Variants in PCDH11X observed in about 807,000 individuals in gnomAD.
PCDH11X encodes the protein protocadherin 11 X-linked.
A neutral mutation model predicts 53.3 loss-of-function variants in PCDH11X; 18 were observed. The observed-to-expected ratio is 0.34, with a 90% CI of 0.23 to 0.50. PCDH11X has a LOEUF of 0.50. Ranked by LOEUF, PCDH11X falls within the 20% of genes least tolerant of loss-of-function variation. The probability of loss-of-function intolerance (pLI) is 0.98; values close to 1 mark genes in which losing one functional copy is unlikely to be tolerated. For synonymous variants in PCDH11X, 279 were observed against 393.3 expected, an observed-to-expected ratio of 0.71 and a Z score of 3.44; for missense variants, 570 against 1,032.4, an observed-to-expected ratio of 0.55 and a Z score of 6.14.
At chrX:92,029,606 A>G (rs974802817) in intron 6 of PCDH11X, among the ~76,000 whole-genome samples, 2 of 111,104 alleles carry the variant, frequency 1.8e-5, no homozygotes, top group Non-Finnish European at 3.8e-5. Flanking sequence ...GTTTACCAAT[A>G]TAATCCTAGT....
At chrX:92,230,422 T>G in intron 7 of PCDH11X, among the ~76,000 whole-genome samples, 1 of 59,717 alleles carries the variant, frequency 1.7e-5, no homozygotes, top group African/African-American at 5.8e-5. Flanking sequence ...ATATATATAA[T>G]ATATAAATAT....
intron 9 of PCDH11X, among the ~76,000 whole-genome samples, chrX:92,411,135 A>AT (rs1467200361): frequency 1.8e-5 from 2 of 108,206 alleles, no homozygotes; most frequent in Non-Finnish European, 3.8e-5. Context: ...TGAAGAAGAA[A>AT]TTTTTTAAAA....
In PCDH11X at chrX:92,509,287, G is replaced by A. The variant is rs150216612; in HGVS notation, c.3367+40965G>A. On this transcript the variant is annotated intron_variant, in intron 10 of 10. Transcript: ENST00000682573. Reference sequence around the variant, plus strand: ...TTTTCACTGTAGATGATGTTGAAGTGGGGGTGCAGCTGAATGGGTATACCA... The same window carrying A: ...TTTTCACTGTAGATGATGTTGAAGTAGGGGTGCAGCTGAATGGGTATACCA... Among the ~76,000 whole-genome samples, 216 of 111,147 alleles carry A rather than the reference G, an allele frequency of 1.9e-3. 1 individual carries two copies. Among genetic ancestry groups the A allele is most frequent in the African/African-American group, 6.6e-3 (202 of 30,625 alleles).
Position 91,824,260 on chromosome X carries a change from T to C in PCDH11X, c.-44-11201T>C, listed in dbSNP as rs1204365182. On this transcript the variant is annotated intron_variant, in intron 4 of 10. Transcript: ENST00000682573. ...GGGGAAGTTCTCCTGGATAATATCC[T>C]GCAGAGTGTTTTCCAACTTGGTTCC... Among the ~76,000 whole-genome samples, 28 of 111,353 alleles carry C rather than the reference T, an allele frequency of 2.5e-4. No individual in the cohort carries two copies. In the South Asian group the frequency reaches 4.9e-3, roughly 20 times the overall value.
chrX:92,057,776 A>C (rs2063470478), intron 6 of PCDH11X, among the ~76,000 whole-genome samples: 1 of 102,872 alleles, frequency 9.7e-6, no homozygotes, highest in African/African-American at 3.7e-5. Flanking sequence ...TTTATTGCTT[A>C]TCTTTATAGA....
intron 1 of PCDH11X, among the ~76,000 whole-genome samples, chrX:91,785,468 G>A (rs1358198200): frequency 1.8e-5 from 2 of 111,149 alleles, no homozygotes; most frequent in African/African-American, 6.6e-5. Flanking sequence ...TTCTCATATC[G>A]TTCTTCTCTC....
chrX:91,997,150 G>A (rs1022237688), intron 6 of PCDH11X, among the ~76,000 whole-genome samples: 27 of 111,237 alleles, frequency 2.4e-4, no homozygotes, highest in African/African-American at 8.2e-4. Flanking sequence ...TTTACACAAG[G>A]TCATGTCACC....
intron 6 of PCDH11X, among the ~76,000 whole-genome samples, chrX:92,018,830 T>C (rs2147994985): frequency 8.9e-6 from 1 of 112,693 alleles, no homozygotes; most frequent in Non-Finnish European, 1.9e-5. Context: ...ACACTACACC[T>C]TCGTTTATAA....
chrX:92,534,749 T>G (rs1332541118), intron 10 of PCDH11X, among the ~76,000 whole-genome samples: 1 of 111,406 alleles, frequency 9.0e-6, no homozygotes, highest in Non-Finnish European at 1.9e-5. Flanking sequence ...GGGCCAATAT[T>G]CAACATTCTT....
At chrX:92,460,451 G>T in intron 9 of PCDH11X, 3 of 775,821 alleles carry the variant, frequency 3.9e-6, no homozygotes, top group South Asian at 4.1e-5. Flanking sequence ...GGGAAGAACC[G>T]AGAGGAGCTA....
chrX:92,572,200 T>C (rs1328995661), intron 10 of PCDH11X, among the ~76,000 whole-genome samples: 1 of 112,180 alleles, frequency 8.9e-6, no homozygotes, highest in Non-Finnish European at 1.9e-5. Flanking sequence ...TGAAACTTCT[T>C]ATTGCAAATT....
intron 6 of PCDH11X, among the ~76,000 whole-genome samples, chrX:92,029,337 C>G (rs1569316677): frequency 9.0e-6 from 1 of 111,465 alleles, no homozygotes; most frequent in Non-Finnish European, 1.9e-5. Flanking sequence ...AATCCTTCTC[C>G]CATTACTGTT....
chrX:91,781,190 T>A (rs1436249277), intron 1 of PCDH11X, among the ~76,000 whole-genome samples: 2 of 112,238 alleles, frequency 1.8e-5, no homozygotes, highest in African/African-American at 6.5e-5. Context: ...AAAATAAAAA[T>A]TTTTAAAGTG....
chrX:91,846,386 G>A (rs890010942), intron 5 of PCDH11X, among the ~76,000 whole-genome samples: 17 of 110,726 alleles, frequency 1.5e-4, no homozygotes, highest in Non-Finnish European at 3.0e-4. Context: ...CGGAGGCCGT[G>A]GCGGGCGGAT....
At chrX:92,556,268 C>T (rs1197288758) in intron 10 of PCDH11X, among the ~76,000 whole-genome samples, 3 of 111,053 alleles carry the variant, frequency 2.7e-5, no homozygotes, top group South Asian at 3.8e-4. Context: ...CCAACAGTCC[C>T]CCAGAGTTTT....
Position 92,226,825 on chromosome X carries a change from A to G in PCDH11X, c.3114+25370A>G, listed in dbSNP as rs187282133. Among the ~76,000 whole-genome samples, 825 of 110,753 alleles carry G rather than the reference A, an allele frequency of 7.4e-3. 5 individuals carry two copies. Among genetic ancestry groups the G allele is most frequent in the African/African-American group, 0.026 (790 of 30,448 alleles). On this transcript the variant is annotated intron_variant, in intron 7 of 10. Transcript: ENST00000682573. ...TGTATGCTATCCTTTTCTGAGTCCC[A>G]ATGCTTACAATTTTTTGATTCTGAG...
At chrX:92,072,320 A>G (rs2063714541) in intron 6 of PCDH11X, among the ~76,000 whole-genome samples, 1 of 110,696 alleles carries the variant, frequency 9.0e-6, no homozygotes, top group Non-Finnish European at 1.9e-5. Flanking sequence ...GTGCAAGACA[A>G]AGTCCCTTTT....
chrX:92,100,358 G>C (rs1354300901), intron 6 of PCDH11X, among the ~76,000 whole-genome samples: 7 of 110,724 alleles, frequency 6.3e-5, no homozygotes, highest in African/African-American at 1.6e-4. Flanking sequence ...GGGAGATAAG[G>C]GTGGGGCCGT....
At chrX:92,141,688 C>T (rs748808694) in intron 6 of PCDH11X, among the ~76,000 whole-genome samples, 12 of 111,456 alleles carry the variant, frequency 1.1e-4, no homozygotes, top group African/African-American at 3.9e-4. Context: ...AACCAATTAA[C>T]GATGCTTATC....
Sources: allele counts gnomAD v4.1 joint callset (sites outside exome capture counted in the v4.1 genomes callset), GRCh38; gene constraint gnomAD v4.1.1; transcripts MANE v1.5; gene names NCBI Gene and HGNC (gene_info 2026-07-23, HGNC 2026-07-21).